Variants in STAMBP observed in about 807,000 individuals in gnomAD.
The protein encoded by STAMBP is STAM-binding protein.
In STAMBP, 31 loss-of-function variants were observed where a neutral mutation model predicts 50.7. That is an observed-to-expected ratio of 0.61 (90% CI 0.46 to 0.83). STAMBP has a LOEUF of 0.83. Ranked by LOEUF, STAMBP falls within the 40% of genes least tolerant of loss-of-function variation. The probability of loss-of-function intolerance (pLI) is 0.00; values close to 1 mark genes in which losing one functional copy is unlikely to be tolerated. For synonymous variants in STAMBP, 211 were observed against 192.4 expected (o/e 1.10, Z -0.80); for missense variants, 472 against 518.9 (o/e 0.91, Z 0.88).
downstream of STAMBP, among the ~76,000 whole-genome samples, chr2:73,872,033 A>G (rs1022148781): frequency 2.0e-4 from 31 of 152,196 alleles, no homozygotes; most frequent in Non-Finnish European, 1.5e-4. Flanking sequence ...TAGACCTCCC[A>G]AAGTGCTGGG....
intron 9 of STAMBP, chr2:73,860,521 G>A (rs1004242321): frequency 2.0e-5 from 20 of 991,120 alleles, no homozygotes; most frequent in Non-Finnish European, 2.4e-5. Flanking sequence ...TTTCATCAAT[G>A]TCTCTTTCTA....
At position 73,859,294 on chromosome 2, in the gene STAMBP, T is replaced by A. The variant is rs748956315; in HGVS notation, c.1046T>A (p.Leu349Gln). Residue 349 changes from leucine to glutamine, a missense_variant, in exon 8 of 10, where the codon CTA becomes CAA. Coordinates refer to ENST00000394070, the MANE Select transcript of STAMBP (RefSeq NM_213622.4). ...ACCGCGTTTCTCTCCAGTGTCGACC[T>A]ACACACTCACTGCTCTTACCAGATG... ...TQTAFLSSVD[L>Q]HTHCSYQMML... is the part of the protein sequence containing the mutation. 1.2e-6 allele frequency: 2 copies of A among 1,614,164 alleles called. No individual in the cohort carries two copies. The highest frequency in any genetic ancestry group is 3.3e-5 in the Admixed American group (2 of 60,024).
rs114690840 is a variant in STAMBP, at chr2:73,864,638, G to T, written c.*2379G>T. On this transcript the variant is annotated 3_prime_UTR_variant, in exon 10 of 10. Transcript: ENST00000394070. ...TGAGGAAAGACATTGTATTGAAAGG[G>T]TAATGACTATTTGGCTAAAGGGACT... 6.6e-6 allele frequency: 1 copy of T among 152,450 alleles called. No homozygotes were observed. The highest frequency in any genetic ancestry group is 2.4e-5 in the African/African-American group (1 of 41,578). 9.4% of individuals were successfully genotyped at this position (152,450 alleles called of 1,614,324 possible). A position where few individuals can be genotyped will look rare whatever the true frequency, so the allele number is the denominator to read the frequency against.
chr2:73,847,855 G>T (rs1676328092), intron 5 of STAMBP, 102 bp downstream of exon 5: 1 of 1,446,290 alleles, frequency 6.9e-7, no homozygotes, highest in Non-Finnish European at 9.3e-7. Context: ...CACTCATTAA[G>T]CTTTGGTCAC....
intron 2 of STAMBP, among the ~76,000 whole-genome samples, chr2:73,840,481 C>A (rs1364607887): frequency 6.6e-6 from 1 of 151,818 alleles, no homozygotes; most frequent in Non-Finnish European, 1.5e-5. Context: ...CGGTGGCTCA[C>A]GCCTGTAATC....
At chr2:73,867,392 A>G (rs542162581), downstream of STAMBP, among the ~76,000 whole-genome samples, 6 of 152,286 alleles carry the variant, frequency 3.9e-5, no homozygotes, top group South Asian at 1.2e-3. Context: ...TAAAAATACA[A>G]AATTAGCCAG....
intron 2 of STAMBP, among the ~76,000 whole-genome samples, chr2:73,836,253 G>GGGCT (rs1674698463): frequency 1.3e-5 from 2 of 152,244 alleles, no homozygotes; most frequent in Admixed American, 1.3e-4. Flanking sequence ...GAGCAGCCAA[G>GGGCT]GGCTGGCCCG....
intron 2 of STAMBP, among the ~76,000 whole-genome samples, chr2:73,838,706 G>A (rs75700695): frequency 0.028 from 4,217 of 152,270 alleles, 184 homozygotes; most frequent in African/African-American, 0.096. Context: ...GTTTGTCCCT[G>A]TCACTTATAG....
intron 7 of STAMBP, among the ~76,000 whole-genome samples, chr2:73,854,967 C>T (rs1558587468): frequency 6.6e-6 from 1 of 152,184 alleles, no homozygotes; most frequent in African/African-American, 2.4e-5. Context: ...CCAGCCTGGG[C>T]ACCTGGGCAA....
In STAMBP at chr2:73,849,562, C is replaced by T. The variant is rs1676550499; in HGVS notation, c.867+75C>T. 8 of 1,509,416 alleles carry T rather than the reference C, an allele frequency of 5.3e-6. No individual in the cohort carries two copies. In the South Asian group the frequency reaches 1.1e-4, roughly 20 times the overall value. 93.5% of individuals were successfully genotyped at this position (1,509,416 alleles called of 1,614,324 possible). A position where few individuals can be genotyped will look rare whatever the true frequency, so the allele number is the denominator to read the frequency against. The stretch of plus-strand genomic sequence containing the variant: ...TCCCCTCTTGGCATCCTGTGACTCT[C>T]AGAGAAAATATCCAGGGTCAGTTAC... On this transcript the variant is annotated intron_variant, in intron 6 of 9. Transcript: ENST00000394070.
chr2:73,840,214 A>G (rs574650531), intron 2 of STAMBP, among the ~76,000 whole-genome samples: 2 of 152,302 alleles, frequency 1.3e-5, no homozygotes, highest in East Asian at 1.9e-4. Flanking sequence ...ATGCTCAGTA[A>G]ATATTCACTG....
At chr2:73,834,217 AAAAAAAAAAAAAAAAAAAAATATATATAT>A (rs1674308860) in intron 2 of STAMBP, among the ~76,000 whole-genome samples, 1 of 16,288 alleles carries the variant, frequency 6.1e-5, no homozygotes, top group Non-Finnish European at 1.0e-4. Flanking sequence ...CTTAAAAAAA[AAAAAAAAAAAAAAAAAAAAATATATATAT>A]ATATATATAT....
chr2:73,838,946 A>G (rs770912705), intron 2 of STAMBP, among the ~76,000 whole-genome samples: 1 of 152,198 alleles, frequency 6.6e-6, no homozygotes, highest in Non-Finnish European at 1.5e-5. Context: ...ATTCTAGCTC[A>G]CTGATTCTCA....
In STAMBP at chr2:73,860,841, T is replaced by C. The variant is rs143289924; in HGVS notation, c.1218+690T>C. Reference sequence around the variant, plus strand: ...GAAAAGGGACTAAGAACCTTGACACTTAAAAGGACCTGGAGATGCTTAGAA... The same window carrying C: ...GAAAAGGGACTAAGAACCTTGACACCTAAAAGGACCTGGAGATGCTTAGAA... On this transcript the variant is annotated intron_variant, in intron 9 of 9. Coordinates refer to ENST00000394070, the MANE Select transcript of STAMBP (RefSeq NM_213622.4). Among the ~76,000 whole-genome samples, 521 of 152,214 alleles carry C rather than the reference T, an allele frequency of 3.4e-3. 3 individuals are homozygous for C. Among genetic ancestry groups the C allele is most frequent in the African/African-American group, 0.012 (494 of 41,526 alleles).
Position 73,858,113 on chromosome 2 carries a change from G to A in STAMBP, c.1006-1141G>A, listed in dbSNP as rs1453026919. On this transcript the variant is annotated intron_variant, in intron 7 of 9. Transcript: ENST00000394070. ...TTCTCCTGCCTCAACCTCCTAAGTA[G>A]CTGGGACTACAGGCGCGTGCCACCA... Among the ~76,000 whole-genome samples, 4 of 149,950 alleles carry A rather than the reference G, an allele frequency of 2.7e-5. No individual in the cohort carries two copies. In the East Asian group the frequency reaches 5.9e-4, roughly 22 times the overall value.
At chr2:73,843,086 A>G (rs191859887) in intron 2 of STAMBP, among the ~76,000 whole-genome samples, 74 of 152,220 alleles carry the variant, frequency 4.9e-4, no homozygotes, top group Admixed American at 3.0e-3. Context: ...AATATAAGAA[A>G]TATGTCTTAT....
chr2:73,833,076 A>G (rs1054195635), intron 2 of STAMBP, among the ~76,000 whole-genome samples: 4 of 152,344 alleles, frequency 2.6e-5, no homozygotes, highest in East Asian at 1.9e-4. Flanking sequence ...TGTGCAGGCT[A>G]TATTTATAGT....
intron 2 of STAMBP, among the ~76,000 whole-genome samples, chr2:73,843,268 G>T (rs1675644837): frequency 6.9e-6 from 1 of 145,294 alleles, no homozygotes. Flanking sequence ...TGTGATCAAA[G>T]CTCACTGTAA....
intron 10 of STAMBP, among the ~76,000 whole-genome samples, chr2:73,872,585 A>G (rs1040859774): frequency 1.3e-5 from 2 of 152,232 alleles, no homozygotes; most frequent in African/African-American, 2.4e-5. Flanking sequence ...TGCAAGAGCA[A>G]TTCATGATCA....
Sources: gnomAD v4.1 joint callset for allele counts (sites outside exome capture counted in the v4.1 genomes callset) on GRCh38, gnomAD v4.1.1 for gene constraint, MANE v1.5 for transcripts, NCBI Gene and HGNC (gene_info 2026-07-23, HGNC 2026-07-21) for gene names.